BIN2: variants seen among roughly 807,000 people sequenced by gnomAD.
The protein encoded by BIN2 is bridging integrator 2.
In BIN2, 43 loss-of-function variants were observed where a neutral mutation model predicts 67.9. The observed-to-expected ratio is 0.63, with a 90% CI of 0.50 to 0.82. The LOEUF is 0.82. Among genes scored for constraint, BIN2 ranks in the 40% least tolerant of loss-of-function variants. The pLI is 0.00. For synonymous variants in BIN2, 244 were observed against 246.8 expected, an observed-to-expected ratio of 0.99 and a Z score of 0.11; for missense variants, 581 against 671.6, an observed-to-expected ratio of 0.87 and a Z score of 1.49.
chr12:51,298,259 C>G (rs1181080028), intron 7 of BIN2, among the ~76,000 whole-genome samples: 1 of 152,204 alleles, frequency 6.6e-6, no homozygotes, highest in Non-Finnish European at 1.5e-5. Context: ...GTAGTCCCAG[C>G]TACTTGGGAG....
chr12:51,318,776 G>A (rs911386834), intron 1 of BIN2, among the ~76,000 whole-genome samples: 1 of 152,176 alleles, frequency 6.6e-6, no homozygotes, highest in Non-Finnish European at 1.5e-5. Context: ...GAGTTGTCAG[G>A]AGGATTAAAT....
At chr12:51,283,570 C>T (rs1945166978) in intron 12 of BIN2, among the ~76,000 whole-genome samples, 2 of 152,192 alleles carry the variant, frequency 1.3e-5, no homozygotes, top group East Asian at 3.8e-4. Flanking sequence ...GCCTCAGCCT[C>T]CTGCATCGCT....
At chr12:51,302,964 G>T in intron 3 of BIN2, 123 bp downstream of exon 3, 2 of 1,249,770 alleles carry the variant, frequency 1.6e-6, no homozygotes, top group Non-Finnish European at 2.3e-6. Context: ...CAAAATTCCA[G>T]GAGTCAAGAG....
intron 6 of BIN2, 143 bp from the exon 7 acceptor site, chr12:51,299,431 C>A: frequency 1.0e-6 from 1 of 988,542 alleles, no homozygotes; most frequent in South Asian, 1.4e-5. Context: ...CCTCCCCAGC[C>A]TCAAGACTCT....
chr12:51,312,178 A>T (rs1298965879), intron 2 of BIN2, among the ~76,000 whole-genome samples: 2 of 152,218 alleles, frequency 1.3e-5, no homozygotes, highest in Admixed American at 1.3e-4. Flanking sequence ...CTATGAAAAG[A>T]GCATTCTCAT....
At chr12:51,310,891 T>C (rs1475982882) in intron 2 of BIN2, among the ~76,000 whole-genome samples, 1 of 151,432 alleles carries the variant, frequency 6.6e-6, no homozygotes, top group Non-Finnish European at 1.5e-5. Flanking sequence ...CTCAAGTAGC[T>C]GAGAATACAG....
chr12:51,288,120 A>G lies in BIN2; in HGVS notation c.1584T>C (p.Ala528=). ...DKEKDNKLIS[A]NSSEGQDQLQ... is the part of the protein sequence containing the mutation. ...AGGCTTTTAGTACCTCCGAGGAGTT[A>G]GCTGAGATAAGCTTATTATCCTTTT... Residue 528 remains alanine, a synonymous_variant, in exon 11 of 13, where the codon GCT becomes GCC. Transcript: ENST00000615107. 6.2e-7 allele frequency: 1 copy of G among 1,613,302 alleles called. No homozygotes were observed. Among genetic ancestry groups the G allele is most frequent in the Non-Finnish European group, 8.5e-7 (1 of 1,179,282 alleles).
At chr12:51,290,719 G>A (rs967591634) in intron 10 of BIN2, among the ~76,000 whole-genome samples, 1 of 151,562 alleles carries the variant, frequency 6.6e-6, no homozygotes, top group East Asian at 2.0e-4. Flanking sequence ...AGATCACAAG[G>A]TCAGGAGATC....
intron 1 of BIN2, among the ~76,000 whole-genome samples, chr12:51,320,312 G>A (rs1046588964): frequency 2.0e-5 from 3 of 152,140 alleles, no homozygotes; most frequent in East Asian, 1.9e-4. Context: ...GAGCCATGGC[G>A]CTTGGCCGGA....
Position 51,292,307 on chromosome 12 carries a change from G to C in BIN2, c.799C>G (p.Arg267Gly), listed in dbSNP as rs763415924. Reference sequence around the variant, plus strand: ...AGAGGACTGGAGACTGTAGCTGTTCGAACTGGGGGAGAAATGACTAAAGAG... The same window carrying C: ...AGAGGACTGGAGACTGTAGCTGTTCCAACTGGGGGAGAAATGACTAAAGAG... ...RRSLVISPPVRTATVSSPLTS... is the reference protein window; with the variant it reads ...RRSLVISPPVGTATVSSPLTS... The change falls in exon 10 of 13, where the codon CGA becomes GGA. Residue 267 changes from arginine (R) to glycine (G), a missense_variant. Transcript: ENST00000615107. 2.5e-6 allele frequency: 4 copies of C among 1,595,594 alleles called. No individual in the cohort carries two copies. The highest frequency in any genetic ancestry group is 1.3e-5 in the African/African-American group (1 of 74,916).
chr12:51,303,271 A>G, intron 2 of BIN2, 130 bp from the exon 3 acceptor site: 2 of 961,654 alleles, frequency 2.1e-6, no homozygotes. Context: ...CACAATTGTT[A>G]TAAGTCAGCC....
At chr12:51,323,941 C>CCCG in intron 1 of BIN2, 81 bp downstream of exon 1, 21 of 1,560,212 alleles carry the variant, frequency 1.3e-5, no homozygotes, top group South Asian at 1.3e-4. Context: ...GAGCACCCTG[C>CCCG]CCGCCCCTCC....
chr12:51,305,033 A>C (rs1945832293), intron 2 of BIN2, among the ~76,000 whole-genome samples: 1 of 147,040 alleles, frequency 6.8e-6, no homozygotes, highest in Non-Finnish European at 1.5e-5. Context: ...AAAACAAAAA[A>C]CAAAAGTATA....
intron 9 of BIN2, among the ~76,000 whole-genome samples, 163 bp downstream of exon 9, chr12:51,295,633 T>G (rs1945545228): frequency 2.6e-5 from 3 of 117,390 alleles, no homozygotes; most frequent in African/African-American, 6.6e-5. Flanking sequence ...TATATATATT[T>G]AGTAAAAAGC....
chr12:51,294,091 C>T (rs1163504616), intron 9 of BIN2, among the ~76,000 whole-genome samples: 3 of 152,026 alleles, frequency 2.0e-5, no homozygotes, highest in Non-Finnish European at 4.4e-5. Flanking sequence ...ACTCAAATGC[C>T]CCAAACTAGC....
chr12:51,293,189 C>T (rs1427196776), intron 9 of BIN2, among the ~76,000 whole-genome samples: 2 of 151,520 alleles, frequency 1.3e-5, no homozygotes, highest in African/African-American at 4.8e-5. Context: ...CCATGAACAA[C>T]AAGAATCAAC....
At chr12:51,289,007 C>T (rs957505652) in intron 10 of BIN2, among the ~76,000 whole-genome samples, 6 of 151,986 alleles carry the variant, frequency 3.9e-5, no homozygotes, top group Non-Finnish European at 7.4e-5. Flanking sequence ...CTCAGCCTCC[C>T]GAAGTGCTGG....
Position 51,324,031 on chromosome 12 carries a change from G to A in BIN2, c.72C>T (p.Ala24=), listed in dbSNP as rs761006815. The change falls in exon 1 of 13, where the codon GCC becomes GCT. Residue 24 remains alanine (A), a synonymous_variant. Transcript: ENST00000615107. ...AGGCCCGGCCACCTACCTTCTCCTGGGCCCTGCTAAACTTCTTCTGCACCT... is the reference window on the plus strand; with the variant it reads ...AGGCCCGGCCACCTACCTTCTCCTGAGCCCTGCTAAACTTCTTCTGCACCT... ...AKQVQKKFSR[A]QEKVLQKLGK... 1.2e-6 allele frequency: 2 copies of A among 1,613,372 alleles called. No individual in the cohort carries two copies. The highest frequency in any genetic ancestry group is 1.3e-5 in the African/African-American group (1 of 74,872).
intron 1 of BIN2, among the ~76,000 whole-genome samples, chr12:51,314,510 G>A (rs1402820529): frequency 6.6e-6 from 1 of 151,870 alleles, no homozygotes. Flanking sequence ...AAGAAATAAG[G>A]TATATCTGGC....
Sources: allele counts gnomAD v4.1 joint callset (sites outside exome capture counted in the v4.1 genomes callset), GRCh38; gene constraint gnomAD v4.1.1; transcripts MANE v1.5; gene names NCBI Gene and HGNC (gene_info 2026-07-23, HGNC 2026-07-21).